The following TJAP1 variants were observed in gnomAD, a reference collection of about 807,000 sequenced individuals.
TJAP1 encodes tight junction-associated protein 1.
TJAP1 carries 27 observed loss-of-function variants against 42.0 expected under a neutral mutation model. The ratio of observed to expected loss-of-function variants is 0.64; its 90% CI spans 0.47 to 0.89. The LOEUF (loss-of-function observed/expected upper bound fraction) is 0.89. TJAP1 is among the 40% of genes least tolerant of loss of function. The pLI is 0.00. For synonymous variants in TJAP1, 257 were observed against 288.4 expected (o/e 0.89, Z 1.10); for missense variants, 712 against 726.9 (o/e 0.98, Z 0.24).
intron 2 of TJAP1, among the ~76,000 whole-genome samples, chr6:43,479,514 C>T (rs1040441843): frequency 3.3e-5 from 5 of 152,156 alleles, no homozygotes; most frequent in African/African-American, 4.8e-5. Context: ...ACTCTGAGCC[C>T]GGCCTAGTGG....
In TJAP1 at chr6:43,491,283, C is replaced by G. The variant is rs1787758947; in HGVS notation, c.-121-6598C>G. ...GGATATCCATGTTGACCAGAAATAT[C>G]TGTTTGTTTTTTTGGGTTTTTTTTG... On this transcript the variant is annotated intron_variant, in intron 2 of 10. Coordinates refer to ENST00000372449, the Ensembl canonical transcript of TJAP1. The surrounding 1 kb of genome is among the most constrained non-coding windows in gnomAD (Gnocchi z 4.6). Among the ~76,000 whole-genome samples the G allele has an allele frequency of 6.6e-6, 1 of 152,038 alleles. No homozygotes were observed.
chr6:43,478,541 T>C, intron 2 of TJAP1: 1 of 152,220 alleles, frequency 6.6e-6, no homozygotes, highest in East Asian at 1.9e-4. Flanking sequence ...TTGTTTCTGC[T>C]TCAATATCCC....
At chr6:43,480,053 C>A (rs1446335866) in intron 2 of TJAP1, among the ~76,000 whole-genome samples, 1 of 152,098 alleles carries the variant, frequency 6.6e-6, no homozygotes, top group Non-Finnish European at 1.5e-5. Flanking sequence ...AATGGCATAG[C>A]TTTGTATGCC....
chr6:43,502,137 T>C (rs771116409), intron 6 of TJAP1, 146 bp from the exon 7 acceptor site: 140 of 657,892 alleles, frequency 2.1e-4, no homozygotes, highest in Non-Finnish European at 3.5e-4. Context: ...AGCTGGAAGA[T>C]GCCTTAGAGA....
In TJAP1 at chr6:43,492,809, T is replaced by A. The variant is rs1230553623; in HGVS notation, c.-121-5072T>A. 6.6e-6 allele frequency among the ~76,000 whole-genome samples: 1 copy of A among 152,172 alleles called. No individual in the cohort carries two copies. The highest frequency in any genetic ancestry group is 2.4e-5 in the African/African-American group (1 of 41,442). On this transcript the variant is annotated intron_variant, in intron 2 of 10. Coordinates refer to ENST00000372449, the Ensembl canonical transcript of TJAP1. The surrounding 1 kb of genome is among the most constrained non-coding windows in gnomAD (Gnocchi z 4.2). Reference sequence around the variant, plus strand: ...TTAGACATCAGTTGGGGGCAGAGACTGGATTTCAGAGGCTTGAGAAGCGGC... The same window carrying A: ...TTAGACATCAGTTGGGGGCAGAGACAGGATTTCAGAGGCTTGAGAAGCGGC...
At chr6:43,478,762 G>A (rs1168878500) in intron 2 of TJAP1, 2 of 152,208 alleles carry the variant, frequency 1.3e-5, no homozygotes, top group Non-Finnish European at 2.9e-5. Context: ...GTGGATTTTG[G>A]TGGGGGTATC....
Position 43,505,787 on chromosome 6 carries a change from G to A in TJAP1, c.1606G>A (p.Gly536Arg). The A allele has an allele frequency of 6.6e-7, 1 of 1,507,206 alleles. No individual in the cohort carries two copies. The highest frequency in any genetic ancestry group is 1.3e-5 in the South Asian group (1 of 74,680). 93.4% of individuals were successfully genotyped at this position (1,507,206 alleles called of 1,614,324 possible). The change falls in exon 11 of 11, where the codon GGG becomes AGG. Residue 536 changes from glycine to arginine, a missense_variant. By Grantham distance (125) the Gly-to-Arg change is moderately radical. Coordinates refer to ENST00000372449, the Ensembl canonical transcript of TJAP1. This position sits in a 1 kb window ranked among gnomAD's most constrained non-coding sequence, Gnocchi z 5.5. ...CCCCCAGCGCAGCCCCAAGAGGATG[G>A]GGGTTCACCACCTGCACCGCAAGGA...
intron 2 of TJAP1, among the ~76,000 whole-genome samples, chr6:43,490,852 C>T (rs898747268): frequency 6.6e-6 from 1 of 152,212 alleles, no homozygotes; most frequent in Non-Finnish European, 1.5e-5. Flanking sequence ...GTCCTGGCCT[C>T]AGACTGGGAG....
At chr6:43,504,933 G>A (rs1791928829) in exon 11 of TJAP1, 2 of 1,614,080 alleles carry the variant, frequency 1.2e-6, no homozygotes, top group Non-Finnish European at 1.7e-6. Flanking sequence ...CAGTCAGGCA[G>A]CGCCGGGCGC....
rs1469501055 is a variant in TJAP1, at chr6:43,501,925, ACACTCTCTCTCTCT to A, written c.290+240_290+253del. Among the ~76,000 whole-genome samples, 71 of 102,288 alleles carry A rather than the reference ACACTCTCTCTCTCT, an allele frequency of 6.9e-4. 1 individual carries two copies. In the East Asian group the frequency reaches 0.015, roughly 22 times the overall value. 67.1% of individuals were successfully genotyped at this position (102,288 alleles called of 152,430 possible). Reference sequence around the variant, plus strand: ...CACACACACACACACACACACACACACACTCTCTCTCTCTCTCTCTCTCTCTCTCTCCTTTCATA... The same window carrying A: ...CACACACACACACACACACACACACACTCTCTCTCTCTCTCTCCTTTCATA... On this transcript the variant is annotated intron_variant, in intron 6 of 10. Transcript: ENST00000372449.
chr6:43,502,072 A>ACTCTCT lies in TJAP1; in HGVS notation c.291-210_291-209insTCTCTC, dbSNP rs1319116155. 7.7e-5 allele frequency among the ~76,000 whole-genome samples: 9 copies of ACTCTCT among 117,162 alleles called. 2 individuals are homozygous for ACTCTCT. Among genetic ancestry groups the ACTCTCT allele is most frequent in the African/African-American group, 3.7e-4 (8 of 21,686 alleles). The allele number at this position is 117,162 out of a possible 152,430, so 76.9% of individuals were successfully genotyped here. A position where few individuals can be genotyped will look rare whatever the true frequency, so the allele number is the denominator to read the frequency against. ...GACACACACACACACACACACACAC[A>ACTCTCT]CACACTCTCTCTCTCTCTCTCTCTC... On this transcript the variant is annotated intron_variant, in intron 6 of 10. Coordinates refer to ENST00000372449, the Ensembl canonical transcript of TJAP1.
intron 2 of TJAP1, among the ~76,000 whole-genome samples, chr6:43,485,199 A>C (rs1232585723): frequency 6.6e-6 from 1 of 152,212 alleles, no homozygotes; most frequent in African/African-American, 2.4e-5. Flanking sequence ...ATGTTTCCCC[A>C]TATTTTATGG....
intron 10 of TJAP1, chr6:43,504,027 A>G (rs1177530404): frequency 5.7e-6 from 3 of 528,582 alleles, no homozygotes; most frequent in African/African-American, 3.8e-5. Flanking sequence ...CCATCTGATC[A>G]TGTTACCCCA....
exon 11 of TJAP1, chr6:43,506,262 C>T (rs1009702494): frequency 3.2e-5 from 5 of 157,446 alleles, no homozygotes; most frequent in African/African-American, 1.2e-4. Flanking sequence ...TTGTTAACCT[C>T]ATTTCCGTTT....
exon 7 of TJAP1, chr6:43,502,345 C>T: frequency 1.2e-6 from 2 of 1,613,600 alleles, no homozygotes; most frequent in Non-Finnish European, 8.5e-7. Flanking sequence ...AAGCTGCACA[C>T]ACTGGTAATC....
chr6:43,504,219 A>T (rs528257376), intron 10 of TJAP1: 5,635 of 235,300 alleles, frequency 0.024, 343 homozygotes, highest in African/African-American at 0.12. Flanking sequence ...GCTTCAAGCA[A>T]TTCTCCTGCT....
exon 11 of TJAP1, chr6:43,506,398 C>T (rs994772449): frequency 1.3e-5 from 2 of 152,748 alleles, no homozygotes; most frequent in African/African-American, 4.8e-5. Context: ...TCCTCCCTCC[C>T]TCTGGAAAGG....
In TJAP1 at chr6:43,504,962, T is replaced by C. The variant is rs777769132; in HGVS notation, c.781T>C (p.Phe261Leu). 1.8e-5 allele frequency: 29 copies of C among 1,614,002 alleles called. No individual in the cohort carries two copies. Among genetic ancestry groups the C allele is most frequent in the Non-Finnish European group, 2.3e-5 (27 of 1,180,006 alleles). ...CGGGCGCCCCTTGGCTGAGGATGTC[T>C]TTGTGCATGTGGACATGAGTGAGGG... The change falls in exon 11 of 11, where the codon TTT becomes CTT. Residue 261 changes from phenylalanine to leucine, a missense_variant. Phe to Leu is a conservative substitution (Grantham distance 22, BLOSUM62 0). Transcript: ENST00000372449.
chr6:43,480,831 C>A (rs920133789), intron 2 of TJAP1, among the ~76,000 whole-genome samples: 1 of 152,104 alleles, frequency 6.6e-6, no homozygotes, highest in Non-Finnish European at 1.5e-5. Context: ...ATTTAATTTT[C>A]ATAATCATAT....
Sources: gnomAD v4.1 joint callset for allele counts (sites outside exome capture counted in the v4.1 genomes callset) on GRCh38, gnomAD v4.1.1 for gene constraint, Gnocchi (gnomAD v3.1) non-coding constraint, MANE v1.5 for transcripts, NCBI Gene and HGNC (gene_info 2026-07-23, HGNC 2026-07-21) for gene names.